Variants in TSPAN1 observed in about 807,000 individuals in gnomAD.
TSPAN1 encodes the protein tetraspanin-1.
In TSPAN1, 23 loss-of-function variants were observed where a neutral mutation model predicts 26.9. The observed-to-expected ratio is 0.85, with a 90% CI of 0.62 to 1.21. The LOEUF (loss-of-function observed/expected upper bound fraction) is 1.21, where lower values mean the gene tolerates loss of function less well. TSPAN1 is among the 50% of genes most tolerant of loss of function. The probability of loss-of-function intolerance (pLI) is 0.00; values close to 1 mark genes in which losing one functional copy is unlikely to be tolerated. For synonymous variants in TSPAN1, 115 were observed against 114.8 expected, an observed-to-expected ratio of 1.00 and a Z score of -0.01; for missense variants, 283 against 298.4, an observed-to-expected ratio of 0.95 and a Z score of 0.38.
chr1:46,192,379 C>G, the TSPAN1 span: 77 of 1,614,106 alleles, frequency 4.8e-5, no homozygotes, highest in Non-Finnish European at 6.2e-5. Flanking sequence ...CAGCCCAGCC[C>G]AGGCATGGTC....
downstream of TSPAN1, among the ~76,000 whole-genome samples, chr1:46,186,852 C>T (rs1286903190): frequency 1.3e-5 from 2 of 152,044 alleles, no homozygotes; most frequent in Admixed American, 1.3e-4. Context: ...TTAGTAGAGA[C>T]GGGGTTTCAC....
At chr1:46,178,353 T>TC (rs1491383104) in intron 1 of TSPAN1, among the ~76,000 whole-genome samples, 55 of 121,870 alleles carry the variant, frequency 4.5e-4, no homozygotes, top group African/African-American at 1.3e-3. Flanking sequence ...TGAGATTCTG[T>TC]CAAAAAAAAA....
the TSPAN1 span, chr1:46,194,314 C>A: frequency 1.2e-6 from 2 of 1,614,224 alleles, no homozygotes; most frequent in Non-Finnish European, 1.7e-6. Flanking sequence ...GTCCTTGCAG[C>A]TGCATACACT....
At chr1:46,193,916 T>G in the TSPAN1 span, 1 of 1,614,168 alleles carries the variant, frequency 6.2e-7, no homozygotes, top group Non-Finnish European at 8.5e-7. Flanking sequence ...AGGACCTTGT[T>G]GTCTGGGAGC....
the TSPAN1 span, chr1:46,195,808 G>A: frequency 6.3e-7 from 1 of 1,587,028 alleles, no homozygotes; most frequent in Non-Finnish European, 8.6e-7. Flanking sequence ...CAGAATAACT[G>A]ACCTTGACAG....
the TSPAN1 span, chr1:46,193,136 C>T: frequency 4.3e-5 from 70 of 1,613,588 alleles, 1 homozygote; most frequent in Non-Finnish European, 5.2e-5. Context: ...CCATGTTTCC[C>T]CCCTCCCAGG....
chr1:46,194,419 T>G, the TSPAN1 span: 2 of 1,614,086 alleles, frequency 1.2e-6, no homozygotes, highest in Non-Finnish European at 1.7e-6. Context: ...AAGGATGCGG[T>G]TGTCATGGAG....
rs756145194 is a variant in TSPAN1 at position 46,181,134 on chromosome 1, C to A, written c.27C>A (p.Thr9=). 4.3e-6 allele frequency: 7 copies of A among 1,613,912 alleles called. No homozygotes were observed. The highest frequency in any genetic ancestry group is 5.9e-6 in the Non-Finnish European group (7 of 1,179,894). MQCFSFIK[T]MMILFNLLIF... ...TGCAGTGCTTCAGCTTCATTAAGACCATGATGATCCTCTTCAATTTGCTCA... is the reference window on the plus strand; with the variant it reads ...TGCAGTGCTTCAGCTTCATTAAGACAATGATGATCCTCTTCAATTTGCTCA... Residue 9 remains threonine, a synonymous_variant, in exon 3 of 9, where the codon ACC becomes ACA. Transcript: ENST00000372003.
the TSPAN1 span, chr1:46,193,842 T>C: frequency 6.2e-7 from 1 of 1,613,900 alleles, no homozygotes; most frequent in African/African-American, 1.3e-5. Flanking sequence ...GTATAGCCCA[T>C]TCCCAGGCTT....
chr1:46,183,902 C>G lies in TSPAN1; in HGVS notation c.58-289C>G. On this transcript the variant is annotated intron_variant, in intron 3 of 8. Coordinates refer to ENST00000372003, the MANE Select transcript of TSPAN1 (RefSeq NM_005727.4). Reference sequence around the variant, plus strand: ...TTCAATCCTAGCTATGTGGCAGGACCCTGGCAGCAGTGAGGGAAAGTCTTG... The same window carrying G: ...TTCAATCCTAGCTATGTGGCAGGACGCTGGCAGCAGTGAGGGAAAGTCTTG... The G allele has an allele frequency of 1.4e-5, 7 of 495,732 alleles. No homozygotes were observed. In the South Asian group the frequency reaches 1.5e-4, roughly 11 times the overall value. The allele number at this position is 495,732 out of a possible 1,614,324, so 30.7% of individuals were successfully genotyped here. A position where few individuals can be genotyped will look rare whatever the true frequency, so the allele number is the denominator to read the frequency against.
At chr1:46,190,657 C>A, downstream of TSPAN1, 2 of 1,553,284 alleles carry the variant, frequency 1.3e-6, no homozygotes, top group Non-Finnish European at 1.8e-6. Context: ...TTGGAAGGGA[C>A]TTTCAGGGAC....
At chr1:46,190,079 T>C, downstream of TSPAN1, 4 of 1,428,064 alleles carry the variant, frequency 2.8e-6, no homozygotes, top group Non-Finnish European at 3.8e-6. Context: ...AATGCTCTGC[T>C]GTTGCCACCT....
chr1:46,191,229 C>T, the TSPAN1 span: 12 of 271,066 alleles, frequency 4.4e-5, 1 homozygote, highest in South Asian at 2.5e-4. Context: ...GAATGGGGCT[C>T]GCGTATTAGT....
the TSPAN1 span, chr1:46,195,485 T>A: frequency 1.4e-4 from 56 of 402,572 alleles, no homozygotes; most frequent in Non-Finnish European, 2.5e-4. Flanking sequence ...ATTTTCTTCT[T>A]TATACAAGTT....
intron 3 of TSPAN1, among the ~76,000 whole-genome samples, chr1:46,181,688 T>C (rs1464443860): frequency 6.6e-6 from 1 of 152,218 alleles, no homozygotes; most frequent in African/African-American, 2.4e-5. Context: ...GCAAAGCCTT[T>C]CTCTGCCCTG....
the TSPAN1 span, chr1:46,191,612 G>A: frequency 4.9e-4 from 112 of 228,976 alleles, no homozygotes; most frequent in African/African-American, 1.9e-3. Context: ...TCAAAATATC[G>A]TAACCCAGTG....
chr1:46,184,460 C>G, intron 4 of TSPAN1, 63 bp downstream of exon 4: 1 of 1,610,868 alleles, frequency 6.2e-7, no homozygotes, highest in Non-Finnish European at 8.5e-7. Context: ...ACACCAGGCC[C>G]TGGGATTCCC....
rs770696371 is a variant in TSPAN1, at chr1:46,185,073, T to C, written c.552T>C (p.Asn184=). ...ATGACAACGTCACCAACACAGCCAATGAAACCTGCACCAAGCAAAAGGCTC... is the reference window on the plus strand; with the variant it reads ...ATGACAACGTCACCAACACAGCCAACGAAACCTGCACCAAGCAAAAGGCTC... ...CCNDNVTNTA[N]ETCTKQKAHD... Residue 184 remains asparagine (N), a synonymous_variant, in exon 7 of 9, where the codon AAT becomes AAC. Transcript: ENST00000372003. The C allele has an allele frequency of 5.6e-6, 9 of 1,614,022 alleles. No homozygotes were observed. In the African/African-American group the frequency reaches 8.0e-5, roughly 14 times the overall value.
rs765158447 is a variant in TSPAN1, at chr1:46,184,867, A to C, written c.422A>C (p.Asn141Thr). The C allele has an allele frequency of 6.8e-6, 11 of 1,614,086 alleles. No individual in the cohort carries two copies. The highest frequency in any genetic ancestry group is 1.6e-4 in the Middle Eastern group (1 of 6,084). The change falls in exon 6 of 9, where the codon AAC becomes ACC. Residue 141 changes from asparagine to threonine, a missense_variant. Asn to Thr is a moderately conservative substitution (Grantham distance 65). Coordinates refer to ENST00000372003, the MANE Select transcript of TSPAN1 (RefSeq NM_005727.4). The stretch of plus-strand genomic sequence containing the variant: ...CAGGAAGACTTCACTCAAGTGTGGA[A>C]CACCACCATGAAAGGGGTAAGGTTG... ...GSQEDFTQVW[N>T]TTMKGLKCCG...
Sources: gnomAD v4.1 joint callset for allele counts (sites outside exome capture counted in the v4.1 genomes callset) on GRCh38, gnomAD v4.1.1 for gene constraint, MANE v1.5 for transcripts, NCBI Gene and HGNC (gene_info 2026-07-23, HGNC 2026-07-21) for gene names.